Variants in GRID1 observed in about 807,000 individuals in gnomAD.
The protein encoded by GRID1 is glutamate ionotropic receptor delta type subunit 1, also known as glutamate receptor ionotropic, delta-1.
A neutral mutation model predicts 98.0 loss-of-function variants in GRID1; 28 were observed. The ratio of observed to expected loss-of-function variants is 0.29; its 90% CI spans 0.21 to 0.39. The LOEUF is 0.39. Ranked by LOEUF, GRID1 falls within the 10% of genes least tolerant of loss-of-function variation. GRID1 has a pLI of 1.00. For synonymous variants in GRID1, 553 were observed against 538.5 expected (o/e 1.03, Z -0.37); for missense variants, 1,111 against 1,340.5 (o/e 0.83, Z 2.67).
At chr10:85,820,233 A>G (rs35759771) in intron 8 of GRID1, among the ~76,000 whole-genome samples, 59,465 of 151,562 alleles carry the variant, frequency 0.39, 13,973 homozygotes, top group African/African-American at 0.66. Context: ...AATACCTGAT[A>G]AATACTCTTC....
rs541570259 is a variant in GRID1, at chr10:86,085,846, C to T, written c.726+52973G>A. Among the ~76,000 whole-genome samples, 21 of 152,148 alleles carry T rather than the reference C, an allele frequency of 1.4e-4. 2 individuals carry two copies. The highest frequency in any genetic ancestry group is 1.3e-4 in the Admixed American group (2 of 15,286). On this transcript the variant is annotated intron_variant, in intron 4 of 15. Transcript: ENST00000327946. ...GAATTAGGAAGAGTTCTGATACTCA[C>T]CGAGCCCCAAGAGCAGAACCCAGGC...
At chr10:85,989,022 G>A (rs1842645735) in intron 4 of GRID1, among the ~76,000 whole-genome samples, 1 of 152,204 alleles carries the variant, frequency 6.6e-6, no homozygotes. Flanking sequence ...GTTTGTGAGG[G>A]AAGAAACAGG....
chr10:86,348,147 G>A (rs1055130087), intron 2 of GRID1, among the ~76,000 whole-genome samples: 4 of 152,226 alleles, frequency 2.6e-5, no homozygotes, highest in South Asian at 4.1e-4. Flanking sequence ...GCAGGTCCTC[G>A]TGTGTACTTG....
At chr10:85,642,998 C>T (rs1280110877) in intron 13 of GRID1, among the ~76,000 whole-genome samples, 1 of 152,138 alleles carries the variant, frequency 6.6e-6, no homozygotes, top group Admixed American at 6.5e-5. Context: ...TTCTCCAGTT[C>T]TGATACCGTG....
At chr10:85,947,719 G>A (rs970908742) in intron 4 of GRID1, among the ~76,000 whole-genome samples, 2 of 152,224 alleles carry the variant, frequency 1.3e-5, no homozygotes, top group African/African-American at 4.8e-5. Flanking sequence ...AGAGGATGCT[G>A]AAGAAGTGGC....
rs118181997 is a variant in GRID1 at position 85,840,695 on chromosome 10, C to G, written c.1233+13801G>C. On this transcript the variant is annotated intron_variant, in intron 8 of 15. Coordinates refer to ENST00000327946, the MANE Select transcript of GRID1 (RefSeq NM_017551.3). ...CACTAGCATTCTTATACATCAACCA[C>G]TGTAAAGCAGAGAGCACAATCAAGA... Among the ~76,000 whole-genome samples, 941 of 152,238 alleles carry G rather than the reference C, an allele frequency of 6.2e-3. 23 individuals carry two copies. The highest frequency in any genetic ancestry group is 0.024 in the East Asian group (125 of 5,186).
At chr10:86,056,809 T>C (rs1589354726) in intron 4 of GRID1, among the ~76,000 whole-genome samples, 1 of 152,230 alleles carries the variant, frequency 6.6e-6, no homozygotes, top group South Asian at 2.1e-4. Context: ...TATGGCAGCC[T>C]GGCAGGCCCT....
At chr10:86,009,550 C>T (rs912039861) in intron 4 of GRID1, among the ~76,000 whole-genome samples, 7 of 152,092 alleles carry the variant, frequency 4.6e-5, no homozygotes, top group Non-Finnish European at 8.8e-5. Flanking sequence ...GATGGATAAT[C>T]GGGAGTTTAT....
chr10:86,000,231 G>GA (rs61636312), intron 4 of GRID1, among the ~76,000 whole-genome samples: 1 of 151,710 alleles, frequency 6.6e-6, no homozygotes, highest in Admixed American at 6.6e-5. Context: ...TAATAGCTTG[G>GA]AAAAAAAAGT....
At chr10:85,877,167 C>T (rs555685785) in intron 5 of GRID1, among the ~76,000 whole-genome samples, 1 of 152,374 alleles carries the variant, frequency 6.6e-6, no homozygotes, top group South Asian at 2.1e-4. Flanking sequence ...GTAGGCTCCA[C>T]CTCTGGGGGC....
chr10:85,774,245 A>G (rs1002033057), intron 8 of GRID1, among the ~76,000 whole-genome samples: 1 of 152,176 alleles, frequency 6.6e-6, no homozygotes, highest in African/African-American at 2.4e-5. Flanking sequence ...TATTTAATAA[A>G]TGGTGCTGGG....
intron 12 of GRID1, among the ~76,000 whole-genome samples, chr10:85,711,288 T>C (rs1209646063): frequency 6.6e-6 from 1 of 151,974 alleles, no homozygotes; most frequent in Non-Finnish European, 1.5e-5. Flanking sequence ...GTGATATTAT[T>C]CAGCCTTAAA....
chr10:85,851,687 T>C (rs1048868452), intron 8 of GRID1, among the ~76,000 whole-genome samples: 1 of 152,222 alleles, frequency 6.6e-6, no homozygotes, highest in African/African-American at 2.4e-5. Context: ...ACATATATAA[T>C]CTTTGCAGGG....
At chr10:86,313,425 A>G (rs1384994842) in intron 2 of GRID1, among the ~76,000 whole-genome samples, 1 of 152,178 alleles carries the variant, frequency 6.6e-6, no homozygotes, top group Non-Finnish European at 1.5e-5. Flanking sequence ...ATTGGAACCC[A>G]GTCCCTCTGG....
At chr10:86,067,958 G>T (rs1843743583) in intron 4 of GRID1, among the ~76,000 whole-genome samples, 1 of 152,214 alleles carries the variant, frequency 6.6e-6, no homozygotes, top group South Asian at 2.1e-4. Context: ...AATCACTTCT[G>T]CAATGCCAGG....
At chr10:85,705,431 A>T (rs1368357252) in intron 12 of GRID1, among the ~76,000 whole-genome samples, 1 of 152,202 alleles carries the variant, frequency 6.6e-6, no homozygotes, top group Non-Finnish European at 1.5e-5. Context: ...CTCTGAATAG[A>T]CCAATAACAG....
At chr10:85,977,345 G>A (rs183218454) in intron 4 of GRID1, among the ~76,000 whole-genome samples, 2 of 152,188 alleles carry the variant, frequency 1.3e-5, no homozygotes, top group Non-Finnish European at 1.5e-5. Context: ...AGAAGTGAGG[G>A]GAACAGGTAG....
chr10:85,792,385 T>C (rs1028461681), intron 8 of GRID1, among the ~76,000 whole-genome samples: 1 of 152,174 alleles, frequency 6.6e-6, no homozygotes, highest in Non-Finnish European at 1.5e-5. Flanking sequence ...TTTCCACCAG[T>C]GGAGGGAGCC....
intron 9 of GRID1, 23 bp from the exon 10 acceptor site, chr10:85,728,075 T>C: frequency 2.0e-6 from 3 of 1,500,008 alleles, no homozygotes; most frequent in Non-Finnish European, 2.8e-6. Flanking sequence ...GAATGAAGGT[T>C]CTCCAATTAA....
Sources: gnomAD v4.1 joint callset for allele counts (sites outside exome capture counted in the v4.1 genomes callset) on GRCh38, gnomAD v4.1.1 for gene constraint, MANE v1.5 for transcripts, NCBI Gene and HGNC (gene_info 2026-07-23, HGNC 2026-07-21) for gene names.